Variants in SV2C observed in about 807,000 individuals in gnomAD.
SV2C encodes the protein synaptic vesicle glycoprotein 2C, also known as solute carrier family 22 member B3.
Under a neutral mutation model 79.7 loss-of-function variants are expected in SV2C, and 49 were observed. That is an observed-to-expected ratio of 0.61 (90% confidence interval 0.49 to 0.78). SV2C has a LOEUF of 0.78. SV2C is among the 30% of genes least tolerant of loss of function. The probability of loss-of-function intolerance (pLI) is 0.00; values close to 1 mark genes in which losing one functional copy is unlikely to be tolerated. For missense variants in SV2C, 833 were observed against 912.9 expected, an observed-to-expected ratio of 0.91 and a Z score of 1.13; for synonymous variants, 334 against 333.2, an observed-to-expected ratio of 1.00 and a Z score of -0.03.
chr5:76,205,993 A>G (rs1348694017), intron 3 of SV2C, among the ~76,000 whole-genome samples: 1 of 152,212 alleles, frequency 6.6e-6, no homozygotes, highest in Non-Finnish European at 1.5e-5. Flanking sequence ...CTACTGATAC[A>G]TGGGAATTTA....
chr5:75,943,178 G>A, the SV2C span, among the ~76,000 whole-genome samples: 1 of 152,154 alleles, frequency 6.6e-6, no homozygotes, highest in Admixed American at 6.6e-5. Flanking sequence ...CAGGAACAGG[G>A]TCTAACTAAT....
At chr5:75,921,251 A>T in the SV2C span, 2 of 1,443,544 alleles carry the variant, frequency 1.4e-6, no homozygotes, top group Non-Finnish European at 1.9e-6. Flanking sequence ...GACTTTGATG[A>T]GGATCTGCAG....
intron 8 of SV2C, among the ~76,000 whole-genome samples, chr5:76,293,704 C>T (rs1028864756): frequency 1.3e-5 from 2 of 151,892 alleles, no homozygotes; most frequent in African/African-American, 4.8e-5. Context: ...TCCTGAGGCA[C>T]AGATGTTTTT....
chr5:76,006,188 A>G, the SV2C span, among the ~76,000 whole-genome samples: 5 of 152,128 alleles, frequency 3.3e-5, no homozygotes, highest in African/African-American at 1.2e-4. Context: ...TTTTTATAAT[A>G]AGAAGTGACT....
the SV2C span, among the ~76,000 whole-genome samples, chr5:75,851,550 A>T: frequency 6.6e-6 from 1 of 152,214 alleles, no homozygotes; most frequent in Non-Finnish European, 1.5e-5. Flanking sequence ...AGAGTGTCCG[A>T]TGTAGGTAAG....
chr5:75,986,750 A>G, the SV2C span, among the ~76,000 whole-genome samples: 1 of 151,916 alleles, frequency 6.6e-6, no homozygotes, highest in Non-Finnish European at 1.5e-5. Flanking sequence ...GCTGGGATAC[A>G]TGTCTCCGTG....
chr5:76,023,255 C>T, the SV2C span, among the ~76,000 whole-genome samples: 1 of 152,098 alleles, frequency 6.6e-6, no homozygotes, highest in South Asian at 2.1e-4. Context: ...TGTATTTTCC[C>T]CCAAATAGTA....
Position 76,325,608 on chromosome 5 carries a change from T to C in SV2C, c.*61T>C. 6.3e-7 allele frequency: 1 copy of C among 1,588,142 alleles called. No individual in the cohort carries two copies. The highest frequency in any genetic ancestry group is 8.6e-7 in the Non-Finnish European group (1 of 1,168,800). Reference sequence around the variant, plus strand: ...CCTGCCCTGGGTCAATTCTCCTTCCTGACTCAAGGCTTCAGAGTTTTCCTA... The same window carrying C: ...CCTGCCCTGGGTCAATTCTCCTTCCCGACTCAAGGCTTCAGAGTTTTCCTA... On this transcript the variant is annotated 3_prime_UTR_variant, in exon 13 of 13. Coordinates refer to ENST00000502798, the MANE Select transcript of SV2C (RefSeq NM_014979.4).
the SV2C span, among the ~76,000 whole-genome samples, chr5:75,892,184 T>C: frequency 6.6e-6 from 1 of 151,842 alleles, no homozygotes; most frequent in African/African-American, 2.4e-5. Flanking sequence ...GTATTGTGTA[T>C]CTTCATGTTC....
the SV2C span, among the ~76,000 whole-genome samples, chr5:75,978,639 A>T: frequency 1.3e-5 from 2 of 152,214 alleles, no homozygotes; most frequent in African/African-American, 4.8e-5. Context: ...TGTTTAGATT[A>T]TTAATAATTT....
the SV2C span, among the ~76,000 whole-genome samples, chr5:75,861,492 A>G: frequency 2.0e-4 from 31 of 152,362 alleles, no homozygotes; most frequent in African/African-American, 6.7e-4. Flanking sequence ...AAAGGAAAAT[A>G]AATAATTCTA....
chr5:76,309,099 C>CAGTT (rs1443629268), intron 12 of SV2C, among the ~76,000 whole-genome samples: 2 of 152,076 alleles, frequency 1.3e-5, no homozygotes, highest in Non-Finnish European at 2.9e-5. Context: ...AAGAACATTT[C>CAGTT]AGTTAGAGCA....
At chr5:75,967,707 AG>A in the SV2C span, among the ~76,000 whole-genome samples, 1 of 152,238 alleles carries the variant, frequency 6.6e-6, no homozygotes, top group Non-Finnish European at 1.5e-5. Flanking sequence ...CCACAGATCA[AG>A]GAGGCCTGCC....
At chr5:76,225,679 A>T (rs1180698206) in intron 4 of SV2C, among the ~76,000 whole-genome samples, 1 of 152,180 alleles carries the variant, frequency 6.6e-6, no homozygotes, top group Admixed American at 6.6e-5. Flanking sequence ...AGTCTTTCCA[A>T]TGATTAGTAG....
At chr5:76,186,291 A>G (rs577846942) in intron 2 of SV2C, among the ~76,000 whole-genome samples, 3 of 152,210 alleles carry the variant, frequency 2.0e-5, no homozygotes, top group Admixed American at 2.0e-4. Flanking sequence ...TCGTTTCCAC[A>G]TTTTCGGGTA....
At chr5:76,053,971 T>G in the SV2C span, among the ~76,000 whole-genome samples, 2 of 151,814 alleles carry the variant, frequency 1.3e-5, no homozygotes, top group Admixed American at 6.6e-5. Context: ...AAAGTAAGTT[T>G]GTTGTTGTTG....
At chr5:76,176,397 T>C (rs1449388513) in intron 2 of SV2C, among the ~76,000 whole-genome samples, 1 of 152,204 alleles carries the variant, frequency 6.6e-6, no homozygotes, top group African/African-American at 2.4e-5. Flanking sequence ...ACAGAATTTA[T>C]GTCCTTGTGC....
the SV2C span, among the ~76,000 whole-genome samples, chr5:75,994,434 T>C: frequency 4.6e-5 from 7 of 151,802 alleles, no homozygotes; most frequent in Non-Finnish European, 7.4e-5. Flanking sequence ...TTCCTGCCTT[T>C]ATCCTGACTT....
intron 12 of SV2C, among the ~76,000 whole-genome samples, chr5:76,352,327 TTGAC>T (rs1236166013): frequency 6.6e-6 from 1 of 152,226 alleles, no homozygotes; most frequent in African/African-American, 2.4e-5. Flanking sequence ...CTGTTATGGT[TTGAC>T]TGTGCCCCCA....
Sources: allele counts gnomAD v4.1 joint callset (sites outside exome capture counted in the v4.1 genomes callset), GRCh38; gene constraint gnomAD v4.1.1; transcripts MANE v1.5; gene names NCBI Gene and HGNC (gene_info 2026-07-23, HGNC 2026-07-21).